Variants in RAPH1 observed in about 807,000 individuals in gnomAD.
RAPH1 encodes Ras association (RalGDS/AF-6) and pleckstrin homology domains 1, also known as ras-associated and pleckstrin homology domains-containing protein 1.
RAPH1 carries 18 observed loss-of-function variants against 88.1 expected under a neutral mutation model. The ratio of observed to expected loss-of-function variants is 0.20; its 90% CI spans 0.14 to 0.30. The LOEUF is 0.30. Among genes scored for constraint, RAPH1 ranks in the 10% least tolerant of loss-of-function variants. RAPH1 has a pLI of 1.00. For missense variants in RAPH1, 1,448 were observed against 1,543.2 expected, an observed-to-expected ratio of 0.94 and a Z score of 1.03; for synonymous variants, 587 against 559.0, an observed-to-expected ratio of 1.05 and a Z score of -0.71.
At chr2:203,516,539 A>T (rs1689614848) in intron 1 of RAPH1, among the ~76,000 whole-genome samples, 1 of 152,054 alleles carries the variant, frequency 6.6e-6, no homozygotes, top group African/African-American at 2.4e-5. Flanking sequence ...AGTTCAGGCC[A>T]GGAGTTTGAG....
At chr2:203,478,986 G>A (rs1687600861) in intron 4 of RAPH1, among the ~76,000 whole-genome samples, 1 of 152,086 alleles carries the variant, frequency 6.6e-6, no homozygotes. Context: ...ATCAACAGGA[G>A]GCCTATCAAA....
chr2:203,480,792 G>A (rs1687686484), intron 4 of RAPH1, among the ~76,000 whole-genome samples: 1 of 152,154 alleles, frequency 6.6e-6, no homozygotes, highest in African/African-American at 2.4e-5. Context: ...CAAATAGTAT[G>A]TTGAAAATAA....
chr2:203,478,645 G>A (rs369027039), intron 4 of RAPH1, among the ~76,000 whole-genome samples: 3 of 151,938 alleles, frequency 2.0e-5, no homozygotes, highest in South Asian at 4.2e-4. Flanking sequence ...ACCCGCCACC[G>A]CACCTGGCTA....
At chr2:203,441,500 A>G in intron 13 of RAPH1, 87 bp from the exon 14 acceptor site, 1 of 1,436,378 alleles carries the variant, frequency 7.0e-7, no homozygotes, top group Non-Finnish European at 9.1e-7. Context: ...GTGTAAAACT[A>G]AAAAGCAGGG....
chr2:203,465,942 A>T (rs1444029875), intron 4 of RAPH1, among the ~76,000 whole-genome samples: 2 of 152,208 alleles, frequency 1.3e-5, no homozygotes. Flanking sequence ...GTAACCAACT[A>T]ACATACATTA....
chr2:203,515,657 C>G (rs766077240), intron 1 of RAPH1, among the ~76,000 whole-genome samples: 2 of 152,236 alleles, frequency 1.3e-5, no homozygotes, highest in Non-Finnish European at 2.9e-5. Flanking sequence ...ATCAACTTAC[C>G]TACAGAGGAA....
In RAPH1 at chr2:203,434,041, T is replaced by C. The variant is rs1359167770; in HGVS notation, c.*5396A>G. On this transcript the variant is annotated 3_prime_UTR_variant, in exon 14 of 14. Coordinates refer to ENST00000319170, the MANE Select transcript of RAPH1 (RefSeq NM_213589.3). The stretch of plus-strand genomic sequence containing the variant: ...TAGTACTGAATATATCTCTCTCATA[T>C]ATCTATCTATCTATCTATATATATA... 1.1e-5 allele frequency: 1 copy of C among 94,656 alleles called. No individual in the cohort carries two copies. Among genetic ancestry groups the C allele is most frequent in the Non-Finnish European group, 1.9e-5 (1 of 53,516 alleles). 5.9% of individuals were successfully genotyped at this position (94,656 alleles called of 1,614,324 possible).
At chr2:203,497,811 T>C (rs959099486) in intron 1 of RAPH1, among the ~76,000 whole-genome samples, 1 of 152,198 alleles carries the variant, frequency 6.6e-6, no homozygotes, top group African/African-American at 2.4e-5. Flanking sequence ...ACAATATTAT[T>C]TCTAAGATTT....
At chr2:203,533,721 C>T (rs1271420628) in intron 1 of RAPH1, among the ~76,000 whole-genome samples, 1 of 152,066 alleles carries the variant, frequency 6.6e-6, no homozygotes, top group East Asian at 1.9e-4. Flanking sequence ...TACCTACATT[C>T]ACTAACCCCC....
chr2:203,439,711 C>G lies in RAPH1; in HGVS notation c.3479G>C (p.Ser1160Thr). 6.2e-7 allele frequency: 1 copy of G among 1,614,112 alleles called. No individual in the cohort carries two copies. The highest frequency in any genetic ancestry group is 8.5e-7 in the Non-Finnish European group (1 of 1,180,028). The change falls in exon 14 of 14, where the codon AGT becomes ACT. Residue 1160 changes from serine to threonine, a missense_variant. Ser to Thr is a moderately conservative substitution (Grantham distance 58, BLOSUM62 1). Around this residue, in one of 2 missense-constraint regions of RAPH1, gnomAD observed 935 missense variants for 890.1 expected, o/e 1.05. Coordinates refer to ENST00000319170, the MANE Select transcript of RAPH1 (RefSeq NM_213589.3). ...GTCAGCCAGGAATCCAGGCTGGACACTAAGGCTGGATTTGGGAGAGGTGGG... is the reference window on the plus strand; with the variant it reads ...GTCAGCCAGGAATCCAGGCTGGACAGTAAGGCTGGATTTGGGAGAGGTGGG... ...QVPTSPKSSL[S>T]VQPGFLADLN...
chr2:203,486,389 T>G (rs1319579946), intron 4 of RAPH1, among the ~76,000 whole-genome samples: 1 of 152,102 alleles, frequency 6.6e-6, no homozygotes, highest in East Asian at 1.9e-4. Flanking sequence ...CAAAATATAT[T>G]TGGAGAATGG....
At chr2:203,452,486 T>G (rs2098515755) in intron 10 of RAPH1, among the ~76,000 whole-genome samples, 1 of 152,218 alleles carries the variant, frequency 6.6e-6, no homozygotes, top group Non-Finnish European at 1.5e-5. Flanking sequence ...TTTAGTTGCT[T>G]CTTCACAAAT....
At chr2:203,457,992 A>G (rs879899904) in intron 7 of RAPH1, among the ~76,000 whole-genome samples, 1 of 152,202 alleles carries the variant, frequency 6.6e-6, no homozygotes, top group South Asian at 2.1e-4. Context: ...TAGGTGCAGA[A>G]AATTTATGTT....
chr2:203,489,362 T>C (rs1373858072), intron 4 of RAPH1, among the ~76,000 whole-genome samples: 1 of 152,192 alleles, frequency 6.6e-6, no homozygotes, highest in Non-Finnish European at 1.5e-5. Context: ...CCAAATACTA[T>C]AGTCACGAGA....
intron 4 of RAPH1, among the ~76,000 whole-genome samples, chr2:203,477,398 T>C (rs1415766578): frequency 1.3e-5 from 2 of 152,236 alleles, no homozygotes; most frequent in Non-Finnish European, 2.9e-5. Context: ...TTCTGGATAG[T>C]AGAGTTCTAT....
At chr2:203,530,829 T>G (rs1206985753) in intron 1 of RAPH1, among the ~76,000 whole-genome samples, 1 of 151,262 alleles carries the variant, frequency 6.6e-6, no homozygotes, top group Non-Finnish European at 1.5e-5. Flanking sequence ...GAGGCAGAGG[T>G]TGCAGTGAGC....
intron 4 of RAPH1, 38 bp from the exon 5 acceptor site, chr2:203,461,963 A>T: frequency 6.6e-7 from 1 of 1,526,178 alleles, no homozygotes; most frequent in African/African-American, 1.4e-5. Flanking sequence ...CAATGCTAAG[A>T]TGATGAAATA....
At chr2:203,480,830 C>A (rs555426458) in intron 4 of RAPH1, among the ~76,000 whole-genome samples, 1 of 152,250 alleles carries the variant, frequency 6.6e-6, no homozygotes, top group Non-Finnish European at 1.5e-5. Flanking sequence ...AGAATGGAGA[C>A]CCTGGTGCTA....
Position 203,506,856 on chromosome 2 carries a change from C to CTATATA in RAPH1, c.1-11509_1-11504dup, listed in dbSNP as rs1231672342. Among the ~76,000 whole-genome samples the CTATATA allele has an allele frequency of 7.6e-3, 235 of 30,748 alleles. 4 individuals carry two copies. The highest frequency in any genetic ancestry group is 0.023 in the Middle Eastern group (1 of 44). The allele number at this position is 30,748 out of a possible 152,430, so 20.2% of individuals were successfully genotyped here. On this transcript the variant is annotated intron_variant, in intron 1 of 13. Transcript: ENST00000319170. ...TCTATATCTATATATCTATCTATAT[C>CTATATA]TATATATATATATATATATATATAG...
Sources: allele counts gnomAD v4.1 joint callset (sites outside exome capture counted in the v4.1 genomes callset), GRCh38; gene constraint gnomAD v4.1.1; regional missense constraint gnomAD v4.1.1; transcripts MANE v1.5; gene names NCBI Gene and HGNC (gene_info 2026-07-23, HGNC 2026-07-21).